Variants in CANT1 observed in about 807,000 individuals in gnomAD.
CANT1 encodes the protein soluble calcium-activated nucleotidase 1.
In CANT1, 26 loss-of-function variants were observed where a neutral mutation model predicts 30.0. The ratio of observed to expected loss-of-function variants is 0.87; its 90% CI spans 0.64 to 1.20. CANT1 has a LOEUF of 1.20. Ranked by LOEUF, CANT1 falls within the 50% of genes most tolerant of loss-of-function variation. The pLI is 0.00. For synonymous variants in CANT1, 246 were observed against 251.8 expected (o/e 0.98, Z 0.22); for missense variants, 518 against 563.0 (o/e 0.92, Z 0.81).
Position 78,997,046 on chromosome 17 carries a change from T to C in CANT1, c.577A>G (p.Ser193Gly), listed in dbSNP as rs1185857495. 6.2e-7 allele frequency: 1 copy of C among 1,614,210 alleles called. No individual in the cohort carries two copies. The highest frequency in any genetic ancestry group is 1.7e-5 in the Admixed American group (1 of 60,010). The change falls in exon 3 of 5, where the codon AGC (serine) becomes GGC (glycine). Residue 193 changes from serine to glycine, a missense_variant. By Grantham distance (56) the Ser-to-Gly change is moderately conservative. This residue lies in a region of CANT1 where 249 missense variants were observed against 268.8 expected (regional missense o/e 0.93). Transcript: ENST00000392446. The surrounding 1 kb of genome is among the most constrained non-coding windows in gnomAD (Gnocchi z 7.5). ...AGAATCACCCAGGGCACGGCTTTGC[T>C]GCCTTCGATCTGGTAGACGACCCCC... ...RTGVVYQIEG[S>G]KAVPWVILSD... is the part of the protein sequence containing the mutation.
Position 78,996,765 on chromosome 17 carries a change from G to C in CANT1, c.631+227C>G, listed in dbSNP as rs930793472. ...TCCCCACGTCTCCCACAGGCCTCTA[G>C]CGATAAGCTCTTCCTCCTAGAAACT... On this transcript the variant is annotated intron_variant, in intron 3 of 4. Transcript: ENST00000392446. The surrounding 1 kb of genome is among the most constrained non-coding windows in gnomAD (Gnocchi z 5.1). 4.6e-5 allele frequency among the ~76,000 whole-genome samples: 7 copies of C among 152,206 alleles called. No homozygotes were observed. The highest frequency in any genetic ancestry group is 3.9e-4 in the Admixed American group (6 of 15,294).
rs1239867572 is a variant in CANT1 at position 78,996,328 on chromosome 17, G to A, written c.631+664C>T. The stretch of plus-strand genomic sequence containing the variant: ...CAGACAAACGGAGCTCAGAGGAGCT[G>A]GCAGCTCCTCTGCCAGCGTCCTTGG... On this transcript the variant is annotated intron_variant, in intron 3 of 4. Transcript: ENST00000392446. This position sits in a 1 kb window ranked among gnomAD's most constrained non-coding sequence, Gnocchi z 5.1. Among the ~76,000 whole-genome samples, 1 of 152,160 alleles carries A rather than the reference G, an allele frequency of 6.6e-6. No homozygotes were observed. The highest frequency in any genetic ancestry group is 1.5e-5 in the Non-Finnish European group (1 of 68,020).
Position 79,009,185 on chromosome 17 carries a change from C to A in CANT1, c.-147+479G>T, listed in dbSNP as rs894570256. ...ATGAATCAGAGGGGGGTGGTCCCCACACTAATCAGAGCGGGGAGGTGCCCC... is the reference window on the plus strand; with the variant it reads ...ATGAATCAGAGGGGGGTGGTCCCCAAACTAATCAGAGCGGGGAGGTGCCCC... On this transcript the variant is annotated intron_variant, in intron 1 of 4. Coordinates refer to ENST00000392446, the MANE Select transcript of CANT1 (RefSeq NM_001159773.2). 4.2e-5 allele frequency among the ~76,000 whole-genome samples: 6 copies of A among 144,254 alleles called. No homozygotes were observed. The East Asian group carries it at 1.1e-3, about 26-fold the overall frequency. 94.6% of individuals were successfully genotyped at this position (144,254 alleles called of 152,430 possible).
intron 1 of CANT1, among the ~76,000 whole-genome samples, chr17:79,000,946 G>A (rs2071236777): frequency 6.6e-6 from 1 of 152,204 alleles, no homozygotes; most frequent in Non-Finnish European, 1.5e-5. Context: ...CAGTCTGCAC[G>A]CATTGGCTGA....
chr17:78,997,367 A>G lies in CANT1; in HGVS notation c.256T>C (p.Trp86Arg), dbSNP rs1370243347. ...GACAGGGGGTAGGTGTCATTGTACC[A>G]GTTGGCGGGCGCCTGGCCGAGCCTC... Reference protein sequence around the residue: ...NWRLGQAPANWYNDTYPLSPP... With the variant: ...NWRLGQAPANRYNDTYPLSPP... The change falls in exon 3 of 5, where the codon TGG becomes CGG. Residue 86 changes from tryptophan (W) to arginine (R), a missense_variant. Trp to Arg is a moderately radical substitution (Grantham distance 101, BLOSUM62 -3). Coordinates refer to ENST00000392446, the MANE Select transcript of CANT1 (RefSeq NM_001159773.2). The surrounding 1 kb of genome is among the most constrained non-coding windows in gnomAD (Gnocchi z 7.5). 6.3e-7 allele frequency: 1 copy of G among 1,597,334 alleles called. No individual in the cohort carries two copies. Among genetic ancestry groups the G allele is most frequent in the Non-Finnish European group, 8.5e-7 (1 of 1,171,564 alleles).
intron 1 of CANT1, among the ~76,000 whole-genome samples, chr17:78,999,325 G>A (rs1017078322): frequency 3.3e-5 from 5 of 152,100 alleles, no homozygotes; most frequent in Admixed American, 2.6e-4. Flanking sequence ...GGGCCTTCCC[G>A]GCAGCAGGGC....
chr17:78,995,177 C>A lies in CANT1; in HGVS notation c.676G>T (p.Val226Leu). 6.2e-7 allele frequency: 1 copy of A among 1,613,874 alleles called. No homozygotes were observed. Among genetic ancestry groups the A allele is most frequent in the African/African-American group, 1.3e-5 (1 of 74,932 alleles). Residue 226 changes from valine (V) to leucine (L), a missense_variant, in exon 4 of 5, where the codon GTG (valine) becomes TTG (leucine). Coordinates refer to ENST00000392446, the MANE Select transcript of CANT1 (RefSeq NM_001159773.2). The surrounding 1 kb of genome is among the most constrained non-coding windows in gnomAD (Gnocchi z 5.7). ...WLAVKDERLY[V>L]GGLGKEWTTT... ...GTCCACTCCTTGCCCAGGCCGCCCA[C>A]GTACAGACGCTCGTCCTTCACTGCC...
In CANT1 at chr17:78,997,211, C is replaced by CT; in HGVS notation, c.411dup (p.Asp138ArgfsTer45). On this transcript the variant is annotated frameshift_variant, in exon 3 of 5. Coordinates refer to ENST00000392446, the MANE Select transcript of CANT1 (RefSeq NM_001159773.2). LOFTEE classifies it high-confidence loss of function. The surrounding 1 kb of genome is among the most constrained non-coding windows in gnomAD (Gnocchi z 7.5). ...TCCACGGCCACCTTGTCCCCACTGT[C>CT]TGACAGGGTCAGGTAGCCCTTTTTC... 1 of 1,614,220 alleles carries CT rather than the reference C, an allele frequency of 6.2e-7. No individual in the cohort carries two copies.
Position 78,995,003 on chromosome 17 carries a change from G to T in CANT1, c.835+15C>A. On this transcript the variant is annotated intron_variant, in intron 4 of 4. Coordinates refer to ENST00000392446, the MANE Select transcript of CANT1 (RefSeq NM_001159773.2). The surrounding 1 kb of genome is among the most constrained non-coding windows in gnomAD (Gnocchi z 5.7). ...TGTGGAAGCCACACTGTGGGCTGGG[G>T]CAGGCGTCTCTTACCTGGCGGCTGG... 1 of 1,554,004 alleles carries T rather than the reference G, an allele frequency of 6.4e-7. No homozygotes were observed. Among genetic ancestry groups the T allele is most frequent in the Non-Finnish European group, 8.7e-7 (1 of 1,150,718 alleles).
At position 78,997,476 on chromosome 17, in the gene CANT1, G is replaced by A. The variant is rs371500993; in HGVS notation, c.147C>T (p.Phe49=). ...GCCAGAGGATGGCAGCACCCACAAA[G>A]AACGTCAGGATCACCTTCCAGCGGG... is the stretch of plus-strand genomic sequence containing the variant. The part of the protein sequence containing the change: ...FRPRWKVILT[F]FVGAAILWLL... Residue 49 remains phenylalanine, a synonymous_variant, in exon 3 of 5, where the codon TTC becomes TTT. Transcript: ENST00000392446. This position sits in a 1 kb window ranked among gnomAD's most constrained non-coding sequence, Gnocchi z 7.5. The A allele has an allele frequency of 3.4e-4, 545 of 1,591,990 alleles. No individual in the cohort carries two copies. Among genetic ancestry groups the A allele is most frequent in the Non-Finnish European group, 4.4e-4 (518 of 1,166,896 alleles).
rs1166480962 is a variant in CANT1, at chr17:78,996,710, C to T, written c.631+282G>A. On this transcript the variant is annotated intron_variant, in intron 3 of 4. Coordinates refer to ENST00000392446, the MANE Select transcript of CANT1 (RefSeq NM_001159773.2). The surrounding 1 kb of genome is among the most constrained non-coding windows in gnomAD (Gnocchi z 5.1). Reference sequence around the variant, plus strand: ...TTCCCAGAGGCTCCGAGAGCAGCAGCGGATACAGCCGAAAACATCTTGGAG... The same window carrying T: ...TTCCCAGAGGCTCCGAGAGCAGCAGTGGATACAGCCGAAAACATCTTGGAG... 2.6e-5 allele frequency among the ~76,000 whole-genome samples: 4 copies of T among 152,180 alleles called. No individual in the cohort carries two copies. Among genetic ancestry groups the T allele is most frequent in the East Asian group, 1.9e-4 (1 of 5,190 alleles).
In CANT1 at chr17:78,996,988, T is replaced by C. The variant is rs746771520; in HGVS notation, c.631+4A>G. On this transcript the variant is annotated splice_donor_region_variant and intron_variant, in intron 3 of 4. Transcript: ENST00000392446. The surrounding 1 kb of genome is among the most constrained non-coding windows in gnomAD (Gnocchi z 5.1). ...ACCTCCATAAAACCTCAGGGTCCAGTTACCTTTCTCCACGGTGCCGTCGCC... is the reference window on the plus strand; with the variant it reads ...ACCTCCATAAAACCTCAGGGTCCAGCTACCTTTCTCCACGGTGCCGTCGCC... 1.2e-6 allele frequency: 2 copies of C among 1,613,982 alleles called. No homozygotes were observed. Among genetic ancestry groups the C allele is most frequent in the Non-Finnish European group, 8.5e-7 (1 of 1,180,040 alleles).
In CANT1 at chr17:78,998,755, G is replaced by C. The variant is rs569618546; in HGVS notation, c.-146-792C>G. 1.3e-5 allele frequency among the ~76,000 whole-genome samples: 2 copies of C among 152,242 alleles called. No individual in the cohort carries two copies. Among genetic ancestry groups the C allele is most frequent in the South Asian group, 4.1e-4 (2 of 4,830 alleles). ...AGTGGGGCGTGGGGAGACAGCTCCC[G>C]GTGCTTCGATCGAGAACACTGGCCC... On this transcript the variant is annotated intron_variant, in intron 1 of 4. Coordinates refer to ENST00000392446, the MANE Select transcript of CANT1 (RefSeq NM_001159773.2). The surrounding 1 kb of genome is among the most constrained non-coding windows in gnomAD (Gnocchi z 4.5).
At position 79,008,453 on chromosome 17, in the gene CANT1, G is replaced by C. The variant is rs1253996030; in HGVS notation, c.-147+1211C>G. Among the ~76,000 whole-genome samples the C allele has an allele frequency of 6.6e-6, 1 of 152,226 alleles. No homozygotes were observed. On this transcript the variant is annotated intron_variant, in intron 1 of 4. Coordinates refer to ENST00000392446, the MANE Select transcript of CANT1 (RefSeq NM_001159773.2). This position sits in a 1 kb window ranked among gnomAD's most constrained non-coding sequence, Gnocchi z 4.4. Reference sequence around the variant, plus strand: ...GTTTCAAGTTTGGGCCCTTACACTGGAGAGCTAGCCGGATTCACTTGACAC... The same window carrying C: ...GTTTCAAGTTTGGGCCCTTACACTGCAGAGCTAGCCGGATTCACTTGACAC...
In CANT1 at chr17:78,993,860, G is replaced by A. The variant is rs267606700; in HGVS notation, c.896C>T (p.Pro299Leu). The A allele has an allele frequency of 7.5e-6, 12 of 1,597,880 alleles. No homozygotes were observed. The African/African-American group carries it at 1.1e-4, about 14-fold the overall frequency. Residue 299 changes from proline (P) to leucine (L), a missense_variant, in exon 5 of 5, where the codon CCG becomes CTG. By Grantham distance (98) the Pro-to-Leu change is moderately conservative. This residue lies in a region of CANT1 where 221 missense variants were observed against 211.8 expected (regional missense o/e 1.04). Transcript: ENST00000392446. The surrounding 1 kb of genome is among the most constrained non-coding windows in gnomAD (Gnocchi z 4.5). ...SDTLQRWFFL[P>L]RRASQERYSE... is the part of the protein sequence containing the mutation. ...GTAGCGCTCCTGGCTGGCGCGGCGC[G>A]GCAGGAAGAACCAGCGCTGCAGCGT... is the stretch of plus-strand genomic sequence containing the variant.
Position 78,995,250 on chromosome 17 carries a change from G to T in CANT1, c.632-29C>A, listed in dbSNP as rs760623996. ...GCCAAGCAGAGTGTCCTTAGGCCCC[G>T]CACCCAGCTCCCGCCGCACCCCTGC... On this transcript the variant is annotated intron_variant, in intron 3 of 4. Coordinates refer to ENST00000392446, the MANE Select transcript of CANT1 (RefSeq NM_001159773.2). This position sits in a 1 kb window ranked among gnomAD's most constrained non-coding sequence, Gnocchi z 5.7. 1 of 1,603,650 alleles carries T rather than the reference G, an allele frequency of 6.2e-7. No individual in the cohort carries two copies. The highest frequency in any genetic ancestry group is 8.5e-7 in the Non-Finnish European group (1 of 1,175,712).
chr17:78,999,173 G>A (rs538159805), intron 1 of CANT1, among the ~76,000 whole-genome samples: 77 of 152,304 alleles, frequency 5.1e-4, no homozygotes, highest in African/African-American at 1.7e-3. Flanking sequence ...GCACATACGT[G>A]GAACCTGCTG....
rs930034511 is a variant in CANT1 at position 78,995,387 on chromosome 17, C to T, written c.632-166G>A. The stretch of plus-strand genomic sequence containing the variant: ...CACCTGGCTCCCGCCCAGGGCCGGC[C>T]GGCTGCCCTCCCCTCAGCTCCTGAA... On this transcript the variant is annotated intron_variant, in intron 3 of 4. Transcript: ENST00000392446. This position sits in a 1 kb window ranked among gnomAD's most constrained non-coding sequence, Gnocchi z 5.7. The T allele has an allele frequency of 2.0e-5, 14 of 695,828 alleles. No homozygotes were observed. The highest frequency in any genetic ancestry group is 5.2e-5 in the South Asian group (3 of 58,074). 43.1% of individuals were successfully genotyped at this position (695,828 alleles called of 1,614,324 possible).
chr17:78,997,996 A>C lies in CANT1; in HGVS notation c.-146-33T>G. On this transcript the variant is annotated intron_variant, in intron 1 of 4. Coordinates refer to ENST00000392446, the MANE Select transcript of CANT1 (RefSeq NM_001159773.2). The surrounding 1 kb of genome is among the most constrained non-coding windows in gnomAD (Gnocchi z 7.5). ...GAGAAGCGCAGGAGAGTCAGGTGGG[A>C]GGGGAAGGCTGACGGGGTGAAGTGG... is the stretch of plus-strand genomic sequence containing the variant. 1 of 268,930 alleles carries C rather than the reference A, an allele frequency of 3.7e-6. No individual in the cohort carries two copies. The highest frequency in any genetic ancestry group is 7.1e-6 in the Non-Finnish European group (1 of 140,334). 16.7% of individuals were successfully genotyped at this position (268,930 alleles called of 1,614,324 possible).
Sources: gnomAD v4.1 joint callset for allele counts (sites outside exome capture counted in the v4.1 genomes callset) on GRCh38, gnomAD v4.1.1 for gene constraint, gnomAD v4.1.1 regional missense constraint, Gnocchi (gnomAD v3.1) non-coding constraint, MANE v1.5 for transcripts, NCBI Gene and HGNC (gene_info 2026-07-23, HGNC 2026-07-21) for gene names.